The following LINGO2 variants were observed in gnomAD, a reference collection of about 807,000 sequenced individuals.
LINGO2 encodes the protein leucine rich repeat and Ig domain containing 2.
A neutral mutation model predicts 30.6 loss-of-function variants in LINGO2; 14 were observed. The observed-to-expected ratio is 0.46, with a 90% CI of 0.30 to 0.72. The LOEUF (loss-of-function observed/expected upper bound fraction) is 0.72, where lower values mean the gene tolerates loss of function less well. Among genes scored for constraint, LINGO2 ranks in the 30% least tolerant of loss-of-function variants. LINGO2 has a pLI of 0.07. For synonymous variants in LINGO2, 317 were observed against 288.5 expected (o/e 1.10, Z -1.00); for missense variants, 729 against 751.7 (o/e 0.97, Z 0.35).
At chr9:28,090,929 CAG>C (rs1184232623) in intron 4 of LINGO2, among the ~76,000 whole-genome samples, 1 of 152,104 alleles carries the variant, frequency 6.6e-6, no homozygotes, top group Non-Finnish European at 1.5e-5. Context: ...AACAGACAAA[CAG>C]AGAGCCAAAT....
the LINGO2 span, among the ~76,000 whole-genome samples, chr9:28,946,617 G>C: frequency 0.52 from 78,616 of 151,876 alleles, 21,447 homozygotes; most frequent in Non-Finnish European, 0.6. Flanking sequence ...ATTAAAAAGT[G>C]AAACCATACA....
At chr9:27,994,755 C>G (rs2119066910) in intron 5 of LINGO2, among the ~76,000 whole-genome samples, 1 of 152,258 alleles carries the variant, frequency 6.6e-6, no homozygotes, top group South Asian at 2.1e-4. Context: ...AAGCCTGAGA[C>G]AGGGACTAGG....
the LINGO2 span, among the ~76,000 whole-genome samples, chr9:28,877,192 T>G: frequency 6.6e-6 from 1 of 151,736 alleles, no homozygotes; most frequent in African/African-American, 2.4e-5. Context: ...TTTCTCCCAT[T>G]TTGTAGGTTG....
At chr9:28,051,769 G>C (rs1824685785) in intron 4 of LINGO2, among the ~76,000 whole-genome samples, 1 of 151,922 alleles carries the variant, frequency 6.6e-6, no homozygotes, top group Non-Finnish European at 1.5e-5. Context: ...TGGAATTTCA[G>C]GAATTTGTAA....
chr9:29,081,470 A>G, the LINGO2 span, among the ~76,000 whole-genome samples: 13 of 152,146 alleles, frequency 8.5e-5, no homozygotes, highest in Admixed American at 7.9e-4. Flanking sequence ...CCCACAGCCA[A>G]TATCATACTG....
intron 1 of LINGO2, among the ~76,000 whole-genome samples, chr9:28,564,111 A>C (rs1330516799): frequency 6.6e-6 from 1 of 152,174 alleles, no homozygotes; most frequent in Admixed American, 6.5e-5. Flanking sequence ...ACACATTGGT[A>C]ACCATCACAG....
chr9:28,498,785 G>A (rs766032628), intron 1 of LINGO2, among the ~76,000 whole-genome samples: 32 of 151,904 alleles, frequency 2.1e-4, no homozygotes, highest in Non-Finnish European at 4.3e-4. Context: ...GTTCCTATTC[G>A]GCCATCTTGG....
intron 4 of LINGO2, among the ~76,000 whole-genome samples, chr9:28,016,941 A>G (rs1327030949): frequency 6.6e-6 from 1 of 152,160 alleles, no homozygotes; most frequent in African/African-American, 2.4e-5. Context: ...AAAATCCTCA[A>G]CAAAATACTA....
intron 4 of LINGO2, among the ~76,000 whole-genome samples, chr9:28,260,829 A>G (rs1822539349): frequency 6.6e-6 from 1 of 151,976 alleles, no homozygotes; most frequent in South Asian, 2.1e-4. Context: ...TTTCTCTGCA[A>G]TGTGGTTGAT....
At chr9:29,152,240 A>C in the LINGO2 span, among the ~76,000 whole-genome samples, 347 of 152,250 alleles carry the variant, frequency 2.3e-3, 2 homozygotes, top group African/African-American at 7.9e-3. Context: ...GCCACTAAGG[A>C]AAGCCATTTA....
At chr9:29,186,017 A>G in the LINGO2 span, among the ~76,000 whole-genome samples, 4,602 of 152,222 alleles carry the variant, frequency 0.03, 222 homozygotes, top group African/African-American at 0.1. Context: ...TTCCAGGTCA[A>G]TCACTTTTTT....
chr9:28,550,644 A>C (rs1822230553), intron 1 of LINGO2, among the ~76,000 whole-genome samples: 1 of 151,802 alleles, frequency 6.6e-6, no homozygotes, highest in South Asian at 2.1e-4. Context: ...TTGCTGCTGC[A>C]ATTGAACTTA....
At chr9:28,971,012 G>T in the LINGO2 span, among the ~76,000 whole-genome samples, 1 of 152,184 alleles carries the variant, frequency 6.6e-6, no homozygotes, top group Non-Finnish European at 1.5e-5. Context: ...GAAGAGTGCA[G>T]GAGGACTGCC....
Position 28,637,413 on chromosome 9 carries a change from G to T in LINGO2, c.-365+32787C>A, listed in dbSNP as rs1327706655. Reference sequence around the variant, plus strand: ...TTGAATCTATAAATTACCTTGGGAAGTATGGCCATTTTCATGATATTAATT... The same window carrying T: ...TTGAATCTATAAATTACCTTGGGAATTATGGCCATTTTCATGATATTAATT... On this transcript the variant is annotated intron_variant, in intron 1 of 5. Transcript: ENST00000379992. Among the ~76,000 whole-genome samples, 4 of 152,154 alleles carry T rather than the reference G, an allele frequency of 2.6e-5. No individual in the cohort carries two copies. In the East Asian group the frequency reaches 5.8e-4, roughly 22 times the overall value.
At chr9:28,476,411 G>T (rs963900290) in intron 1 of LINGO2, among the ~76,000 whole-genome samples, 1 of 152,100 alleles carries the variant, frequency 6.6e-6, no homozygotes, top group Non-Finnish European at 1.5e-5. Flanking sequence ...GAGTAGCTGG[G>T]ACTACAGGCG....
chr9:28,009,123 GAT>G (rs2119223550), intron 5 of LINGO2, among the ~76,000 whole-genome samples: 1 of 133,746 alleles, frequency 7.5e-6, no homozygotes, highest in East Asian at 2.2e-4. Context: ...TTTTTTGACA[GAT>G]AATTCAAAGG....
the LINGO2 span, among the ~76,000 whole-genome samples, chr9:29,195,889 G>T: frequency 6.6e-6 from 1 of 152,000 alleles, no homozygotes; most frequent in South Asian, 2.1e-4. Flanking sequence ...ATCAAATTAT[G>T]TACTAATGCC....
chr9:28,188,051 C>A (rs56175112), intron 4 of LINGO2, among the ~76,000 whole-genome samples: 7,222 of 152,224 alleles, frequency 0.047, 212 homozygotes, highest in African/African-American at 0.081. Context: ...GCTCGTTAAT[C>A]CTTTTTAATA....
intron 1 of LINGO2, among the ~76,000 whole-genome samples, chr9:28,541,356 C>T (rs1318532629): frequency 6.6e-6 from 1 of 152,120 alleles, no homozygotes; most frequent in African/African-American, 2.4e-5. Flanking sequence ...CATATTCTAT[C>T]ATAGGTTTAT....
Sources: allele counts gnomAD v4.1 joint callset (sites outside exome capture counted in the v4.1 genomes callset), GRCh38; gene constraint gnomAD v4.1.1; transcripts MANE v1.5; gene names NCBI Gene and HGNC (gene_info 2026-07-23, HGNC 2026-07-21).